The following DDB2 variants were observed in gnomAD, a reference collection of about 807,000 sequenced individuals.
DDB2 encodes the protein DNA damage-binding protein 2.
A neutral mutation model predicts 50.5 loss-of-function variants in DDB2; 27 were observed. The observed-to-expected ratio is 0.53, with a 90% CI of 0.39 to 0.74. DDB2 has a LOEUF of 0.74. Ranked by LOEUF, DDB2 falls within the 30% of genes least tolerant of loss-of-function variation. The pLI, the probability that DDB2 is intolerant of heterozygous loss-of-function variation, is 0.00. For synonymous variants in DDB2, 176 were observed against 205.5 expected (o/e 0.86, Z 1.23); for missense variants, 424 against 545.6 (o/e 0.78, Z 2.22).
intron 3 of DDB2, chr11:47,217,311 G>C (rs1018189280): frequency 2.8e-6 from 1 of 362,730 alleles, no homozygotes; most frequent in African/African-American, 2.1e-5. Context: ...GGGAGGCAGA[G>C]GTTGCAGTGA....
chr11:47,232,072 G>C (rs1015107541), intron 3 of DDB2, among the ~76,000 whole-genome samples: 27 of 152,132 alleles, frequency 1.8e-4, no homozygotes, highest in Non-Finnish European at 3.8e-4. Context: ...GGCGGGGCAC[G>C]GTGGCTCACG....
In DDB2 at chr11:47,215,213, G is replaced by T. The variant is rs780776638; in HGVS notation, c.77G>T (p.Ser26Ile). The T allele has an allele frequency of 6.2e-7, 1 of 1,614,058 alleles. No individual in the cohort carries two copies. The highest frequency in any genetic ancestry group is 1.1e-5 in the South Asian group (1 of 91,056). ...VLRPRNKRSR[S>I]PLELEPEAKK... ...CGCCCCAGGAACAAGAGGAGCAGGA[G>T]TCCCCTGGAGCTGGAGCCCGAGGCC... Residue 26 changes from serine (S) to isoleucine (I), a missense_variant, in exon 1 of 10, where the codon AGT becomes ATT. Ser to Ile is a moderately radical substitution (Grantham distance 142). Coordinates refer to ENST00000256996, the MANE Select transcript of DDB2 (RefSeq NM_000107.3).
intron 3 of DDB2, chr11:47,229,648 G>A (rs830085): frequency 0.62 from 155,679 of 249,282 alleles, 50,384 homozygotes; most frequent in Non-Finnish European, 0.7. Context: ...AGAGAAACTC[G>A]AATCAACTCT....
chr11:47,223,714 A>G (rs1482567930), intron 3 of DDB2, among the ~76,000 whole-genome samples: 3 of 152,130 alleles, frequency 2.0e-5, no homozygotes, highest in African/African-American at 7.2e-5. Context: ...CCCAGGAGGC[A>G]GAGCTGGCAG....
chr11:47,228,787 T>A (rs573878870), intron 3 of DDB2, among the ~76,000 whole-genome samples: 3 of 151,806 alleles, frequency 2.0e-5, no homozygotes, highest in African/African-American at 7.2e-5. Context: ...TGAAACTCCA[T>A]CTCTCCTAAA....
At chr11:47,235,202 A>G (rs1312198594) in intron 6 of DDB2, 68 bp from the exon 7 acceptor site, 3 of 1,584,506 alleles carry the variant, frequency 1.9e-6, no homozygotes, top group African/African-American at 1.3e-5. Flanking sequence ...CTGCAGGAGA[A>G]GGCCTGCAAG....
intron 3 of DDB2, among the ~76,000 whole-genome samples, chr11:47,226,909 C>CTTTGT (rs537319701): frequency 4.6e-5 from 7 of 151,424 alleles, no homozygotes; most frequent in Admixed American, 4.0e-4. Context: ...ACCTTGCTAA[C>CTTTGT]TTTGTTTTGT....
At chr11:47,229,692 A>C (rs1165261017) in intron 3 of DDB2, 3 of 304,674 alleles carry the variant, frequency 9.8e-6, no homozygotes, top group Non-Finnish European at 1.3e-5. Flanking sequence ...ACATTGATAC[A>C]AATTTAAGGT....
Position 47,239,192 on chromosome 11 carries a change from A to G in DDB2, c.*343A>G. ...TATTTGATTTGTGCTCACTTTTGAT[A>G]TGGCCAATAAAACCATACCGACTGA... On this transcript the variant is annotated 3_prime_UTR_variant, in exon 10 of 10. Coordinates refer to ENST00000256996, the MANE Select transcript of DDB2 (RefSeq NM_000107.3). 1 of 389,410 alleles carries G rather than the reference A, an allele frequency of 2.6e-6. No individual in the cohort carries two copies. The highest frequency in any genetic ancestry group is 4.8e-6 in the Non-Finnish European group (1 of 206,534). The allele number at this position is 389,410 out of a possible 1,614,324, so 24.1% of individuals were successfully genotyped here. A position where few individuals can be genotyped will look rare whatever the true frequency, so the allele number is the denominator to read the frequency against.
At chr11:47,235,580 C>T (rs887343431) in intron 7 of DDB2, 168 bp downstream of exon 7, 2 of 676,284 alleles carry the variant, frequency 3.0e-6, no homozygotes, top group Non-Finnish European at 5.1e-6. Context: ...TCCTTTTATC[C>T]CACTTCTGCC....
In DDB2 at chr11:47,215,020, C is replaced by A; in HGVS notation, c.-117C>A. On this transcript the variant is annotated 5_prime_UTR_variant, in exon 1 of 10. Coordinates refer to ENST00000256996, the MANE Select transcript of DDB2 (RefSeq NM_000107.3). ...TGTTTGGCGGGAAGTTGGCTTAGCTCGGCTACCTGTGGCCCCGCAGTTTTG... is the reference window on the plus strand; with the variant it reads ...TGTTTGGCGGGAAGTTGGCTTAGCTAGGCTACCTGTGGCCCCGCAGTTTTG... The A allele has an allele frequency of 2.7e-6, 4 of 1,504,942 alleles. No individual in the cohort carries two copies. The highest frequency in any genetic ancestry group is 3.4e-5 in the Admixed American group (2 of 59,530). The allele number at this position is 1,504,942 out of a possible 1,614,324, so 93.2% of individuals were successfully genotyped here.
At chr11:47,226,890 C>T (rs1190391800) in intron 3 of DDB2, among the ~76,000 whole-genome samples, 1 of 151,742 alleles carries the variant, frequency 6.6e-6, no homozygotes, top group Non-Finnish European at 1.5e-5. Flanking sequence ...TGCAGGTGCT[C>T]ACCATCATAC....
chr11:47,234,784 A>G lies in DDB2; in HGVS notation c.730A>G (p.Lys244Glu), dbSNP rs121434639. The G allele has an allele frequency of 6.2e-7, 1 of 1,614,226 alleles. No homozygotes were observed. Among genetic ancestry groups the G allele is most frequent in the East Asian group, 2.2e-5 (1 of 44,892 alleles). The change falls in exon 6 of 10, where the codon AAA becomes GAA. Residue 244 changes from lysine (K) to glutamate (E), a missense_variant. Coordinates refer to ENST00000256996, the MANE Select transcript of DDB2 (RefSeq NM_000107.3). ...TTGGAATCTCAGAATGCACAAAAAGAAAGTGACGCATGTGGCCCTGAACCC... is the reference window on the plus strand; with the variant it reads ...TTGGAATCTCAGAATGCACAAAAAGGAAGTGACGCATGTGGCCCTGAACCC... ...ELWNLRMHKK[K>E]VTHVALNPCC...
chr11:47,238,297 G>C (rs907963589), intron 9 of DDB2, 114 bp downstream of exon 9: 1 of 944,760 alleles, frequency 1.1e-6, no homozygotes, highest in African/African-American at 1.6e-5. Flanking sequence ...AGTGGCCCAC[G>C]AAGAAGATGG....
intron 7 of DDB2, 61 bp downstream of exon 7, chr11:47,235,473 C>T: frequency 6.4e-7 from 1 of 1,565,478 alleles, no homozygotes. Context: ...CGGAGCAGGT[C>T]TGCCCACAGT....
chr11:47,231,503 A>T (rs1953649130), intron 3 of DDB2, among the ~76,000 whole-genome samples: 1 of 152,152 alleles, frequency 6.6e-6, no homozygotes, highest in Non-Finnish European at 1.5e-5. Context: ...ATTCATTTAC[A>T]TGACATTCTA....
intron 7 of DDB2, chr11:47,235,875 CT>C (rs1235998940): frequency 3.5e-3 from 418 of 118,252 alleles, no homozygotes; most frequent in South Asian, 9.1e-3. Context: ...TCCTGCCTCA[CT>C]TTTTTTTTTT....
chr11:47,230,546 G>C (rs1157414874), intron 3 of DDB2, among the ~76,000 whole-genome samples: 1 of 152,130 alleles, frequency 6.6e-6, no homozygotes, highest in Admixed American at 6.6e-5. Context: ...ACCAACCCTT[G>C]GTTTGGTAAG....
rs929698489 is a variant in DDB2, at chr11:47,238,924, G to A, written c.*75G>A. ...GGGATCAAGTCCTGCAAGCAGAGGT[G>A]GCGATTTGTTAAAGGGCCAAAAGTA... On this transcript the variant is annotated 3_prime_UTR_variant, in exon 10 of 10. Coordinates refer to ENST00000256996, the MANE Select transcript of DDB2 (RefSeq NM_000107.3). 6.5e-7 allele frequency: 1 copy of A among 1,547,210 alleles called. No homozygotes were observed. Among genetic ancestry groups the A allele is most frequent in the African/African-American group, 1.4e-5 (1 of 73,586 alleles).
Sources: allele counts gnomAD v4.1 joint callset (sites outside exome capture counted in the v4.1 genomes callset), GRCh38; gene constraint gnomAD v4.1.1; transcripts MANE v1.5; gene names NCBI Gene and HGNC (gene_info 2026-07-23, HGNC 2026-07-21).